METAP2: variants seen among roughly 807,000 people sequenced by gnomAD.
METAP2 encodes the protein methionine aminopeptidase 2.
In METAP2, 25 loss-of-function variants were observed where a neutral mutation model predicts 59.4. The ratio of observed to expected loss-of-function variants is 0.42; its 90% CI spans 0.31 to 0.59. The LOEUF (loss-of-function observed/expected upper bound fraction) is 0.59, where lower values mean the gene tolerates loss of function less well. METAP2 is among the 20% of genes least tolerant of loss of function. METAP2 has a pLI of 0.16. For missense variants in METAP2, 366 were observed against 581.2 expected (o/e 0.63, Z 3.81); for synonymous variants, 214 against 194.1 (o/e 1.10, Z -0.85).
chr12:95,494,175 T>C lies in METAP2; in HGVS notation c.548T>C (p.Val183Ala). 6.2e-7 allele frequency: 1 copy of C among 1,614,056 alleles called. No homozygotes were observed. Among genetic ancestry groups the C allele is most frequent in the Non-Finnish European group, 8.5e-7 (1 of 1,179,964 alleles). The change falls in exon 5 of 11, where the codon GTA becomes GCA. Residue 183 changes from valine to alanine, a missense_variant. By Grantham distance (64) the Val-to-Ala change is moderately conservative. This residue lies in a region of METAP2 where 106 missense variants were observed against 221.9 expected (regional missense o/e 0.48). Coordinates refer to ENST00000323666, the MANE Select transcript of METAP2 (RefSeq NM_006838.4). ...AEAHRQVRKY[V>A]MSWIKPGMTM... ...GCACATCGACAAGTTAGAAAATACG[T>C]AATGAGCTGGATCAAGCCTGGGATG...
rs189985050 is a variant in METAP2, at chr12:95,504,326, G to A, written c.964+165G>A. Among the ~76,000 whole-genome samples the A allele has an allele frequency of 1.6e-4, 24 of 152,250 alleles. No homozygotes were observed. The South Asian group carries it at 2.7e-3, about 17-fold the overall frequency. ...GTAGGAGTAGTGTTGTAACTAACTG[G>A]AAACTATTGCCAAGCCACTCTGTTA... On this transcript the variant is annotated intron_variant, in intron 8 of 10. Transcript: ENST00000323666.
chr12:95,498,130 CT>C (rs1214651618), intron 7 of METAP2, among the ~76,000 whole-genome samples: 1 of 138,282 alleles, frequency 7.2e-6, no homozygotes, highest in African/African-American at 2.8e-5. Flanking sequence ...GAGACTCCAT[CT>C]CAAAAAAAAA....
chr12:95,496,026 T>C lies in METAP2; in HGVS notation c.795T>C (p.Phe265=). Residue 265 remains phenylalanine (F), a synonymous_variant, in exon 7 of 11, where the codon TTT becomes TTC. Transcript: ENST00000323666. The part of the protein sequence containing the change: ...HISGRIIDCA[F]TVTFNPKYDT... ...CAGGTAGGATTATTGACTGTGCTTT[T>C]ACTGTCACTTTTAATCCCAAATATG... 6.3e-7 allele frequency: 1 copy of C among 1,595,892 alleles called. No individual in the cohort carries two copies. Among genetic ancestry groups the C allele is most frequent in the Non-Finnish European group, 8.6e-7 (1 of 1,166,770 alleles).
At chr12:95,474,810 C>T (rs1218742964) in intron 1 of METAP2, among the ~76,000 whole-genome samples, 1 of 152,072 alleles carries the variant, frequency 6.6e-6, no homozygotes, top group Non-Finnish European at 1.5e-5. Flanking sequence ...TCCCACTATC[C>T]CGTTTCACGT....
chr12:95,489,609 A>G (rs1475304951), intron 4 of METAP2, among the ~76,000 whole-genome samples: 1 of 152,240 alleles, frequency 6.6e-6, no homozygotes, highest in African/African-American at 2.4e-5. Context: ...TTTATTAGAA[A>G]TTGAATGAAT....
intron 8 of METAP2, among the ~76,000 whole-genome samples, chr12:95,510,443 G>T (rs1305106323): frequency 6.6e-6 from 1 of 152,194 alleles, no homozygotes; most frequent in Non-Finnish European, 1.5e-5. Context: ...AGGCAGAAGG[G>T]CAATGAGAAG....
At chr12:95,504,485 G>T (rs905865544) in intron 8 of METAP2, among the ~76,000 whole-genome samples, 5 of 152,102 alleles carry the variant, frequency 3.3e-5, no homozygotes, top group Non-Finnish European at 4.4e-5. Flanking sequence ...GATTTTTTTT[G>T]TTGTTGTTTT....
chr12:95,513,774 G>A lies in METAP2; in HGVS notation c.1307G>A (p.Cys436Tyr). Reference sequence around the variant, plus strand: ...TACTTGATGGCTCTGAAGAATCTGTGTGACTTGGGCATTGTAGATCCATAT... The same window carrying A: ...TACTTGATGGCTCTGAAGAATCTGTATGACTTGGGCATTGTAGATCCATAT... ...SKYLMALKNLCDLGIVDPYPP... is the reference protein window; with the variant it reads ...SKYLMALKNLYDLGIVDPYPP... The change falls in exon 11 of 11, where the codon TGT (cysteine) becomes TAT (tyrosine). Residue 436 changes from cysteine (C) to tyrosine (Y), a missense_variant. By Grantham distance (194) the Cys-to-Tyr change is radical (BLOSUM62 -2). Transcript: ENST00000323666. 1.2e-6 allele frequency: 2 copies of A among 1,614,206 alleles called. No homozygotes were observed. The highest frequency in any genetic ancestry group is 1.7e-6 in the Non-Finnish European group (2 of 1,180,048).
intron 7 of METAP2, 87 bp downstream of exon 7, chr12:95,496,185 A>G: frequency 5.1e-6 from 4 of 789,354 alleles, no homozygotes; most frequent in Non-Finnish European, 8.2e-6. Flanking sequence ...AAGCACTTTT[A>G]AGGCCTGTTT....
At chr12:95,476,671 A>ATC (rs1280070310) in intron 2 of METAP2, among the ~76,000 whole-genome samples, 2 of 152,190 alleles carry the variant, frequency 1.3e-5, no homozygotes, top group African/African-American at 4.8e-5. Context: ...AAGTCTTGAA[A>ATC]AAGTTCAATG....
intron 4 of METAP2, among the ~76,000 whole-genome samples, chr12:95,487,340 AAAAG>A (rs1016566143): frequency 5.3e-5 from 8 of 152,076 alleles, no homozygotes; most frequent in Non-Finnish European, 1.0e-4. Context: ...AACATAGAAA[AAAAG>A]AAAGAACATA....
intron 8 of METAP2, among the ~76,000 whole-genome samples, chr12:95,507,904 G>C (rs368925585): frequency 6.7e-6 from 1 of 149,892 alleles, no homozygotes; most frequent in African/African-American, 2.5e-5. Flanking sequence ...TCAGCCTCCC[G>C]AGTAGCTGGG....
At chr12:95,506,788 C>G (rs1382980878) in intron 8 of METAP2, among the ~76,000 whole-genome samples, 1 of 105,340 alleles carries the variant, frequency 9.5e-6, no homozygotes, top group Non-Finnish European at 1.9e-5. Context: ...AAGTGCAAAG[C>G]AGAATACTTA....
chr12:95,490,103 C>CTTT (rs573271455), intron 4 of METAP2, among the ~76,000 whole-genome samples: 19 of 142,218 alleles, frequency 1.3e-4, no homozygotes, highest in African/African-American at 4.4e-4. Flanking sequence ...AGTTTTTTTT[C>CTTT]TTTTTTTTTT....
rs78966771 is a variant in METAP2, at chr12:95,514,082, G to A, written c.*178G>A. ...AAACCGTCTAATGTAATTAACCAAC[G>A]AAAAAGCTTTCCGGACTTTTAAATG... On this transcript the variant is annotated 3_prime_UTR_variant, in exon 11 of 11. Transcript: ENST00000323666. 14 of 683,210 alleles carry A rather than the reference G, an allele frequency of 2.0e-5. No individual in the cohort carries two copies. Among genetic ancestry groups the A allele is most frequent in the East Asian group, 6.2e-5 (2 of 32,250 alleles). The allele number at this position is 683,210 out of a possible 1,614,324, so 42.3% of individuals were successfully genotyped here.
In METAP2 at chr12:95,493,558, C is replaced by T. The variant is rs1203382958; in HGVS notation, c.429-498C>T. 2.0e-5 allele frequency among the ~76,000 whole-genome samples: 3 copies of T among 152,152 alleles called. No individual in the cohort carries two copies. In the East Asian group the frequency reaches 5.8e-4, roughly 29 times the overall value. ...AGAATACCTCTTATATTTATGTATA[C>T]AATTAGGAAAACCCAGCACACGCAT... On this transcript the variant is annotated intron_variant, in intron 4 of 10. Coordinates refer to ENST00000323666, the MANE Select transcript of METAP2 (RefSeq NM_006838.4).
intron 2 of METAP2, among the ~76,000 whole-genome samples, chr12:95,478,863 A>C (rs529421224): frequency 6.6e-5 from 10 of 152,238 alleles, no homozygotes; most frequent in Admixed American, 1.3e-4. Context: ...TTGTGGTAAT[A>C]CAAGCTTGCC....
At chr12:95,499,216 G>A (rs546263550) in intron 7 of METAP2, among the ~76,000 whole-genome samples, 6 of 152,160 alleles carry the variant, frequency 3.9e-5, no homozygotes, top group Admixed American at 1.3e-4. Flanking sequence ...ATCTTGGCTC[G>A]CTGCAACCTG....
chr12:95,488,221 C>T (rs2076211674), intron 4 of METAP2, among the ~76,000 whole-genome samples: 2 of 151,750 alleles, frequency 1.3e-5, no homozygotes, highest in South Asian at 2.1e-4. Flanking sequence ...GAGTTCCGGC[C>T]AGGCATGGTG....
Sources: allele counts gnomAD v4.1 joint callset (sites outside exome capture counted in the v4.1 genomes callset), GRCh38; gene constraint gnomAD v4.1.1; regional missense constraint gnomAD v4.1.1; transcripts MANE v1.5; gene names NCBI Gene and HGNC (gene_info 2026-07-23, HGNC 2026-07-21).